TNRC6B: variants seen among roughly 807,000 people sequenced by gnomAD.
TNRC6B encodes trinucleotide repeat-containing gene 6B protein.
TNRC6B carries 52 observed loss-of-function variants against 203.6 expected under a neutral mutation model. The ratio of observed to expected loss-of-function variants is 0.26; its 90% CI spans 0.20 to 0.32. TNRC6B has a LOEUF of 0.32. TNRC6B is among the 10% of genes least tolerant of loss of function. The probability of loss-of-function intolerance (pLI) is 1.00; values close to 1 mark genes in which losing one functional copy is unlikely to be tolerated. For synonymous variants in TNRC6B, 838 were observed against 845.7 expected (o/e 0.99, Z 0.16); for missense variants, 1,923 against 2,286.2 (o/e 0.84, Z 3.24).
At chr22:40,178,344 TTGAAG>T in intron 1 of TNRC6B, among the ~76,000 whole-genome samples, 1 of 152,352 alleles carries the variant, frequency 6.6e-6, no homozygotes, top group East Asian at 1.9e-4. Context: ...TATTTAGATT[TTGAAG>T]TGATTTAATT....
chr22:40,170,621 AC>A (rs1708816311), intron 4 of TNRC6B, among the ~76,000 whole-genome samples: 1 of 124,702 alleles, frequency 8.0e-6, no homozygotes. Flanking sequence ...TCCTATACAT[AC>A]ATATATGAAC....
rs1301302556 is a variant in TNRC6B, at chr22:40,331,676, A to T, written c.*8435A>T. On this transcript the variant is annotated 3_prime_UTR_variant, in exon 23 of 23. Coordinates refer to ENST00000454349, the MANE Select transcript of TNRC6B (RefSeq NM_001162501.2). ...TTTTTTTTTTTTTTTTTTTTCAAAA[A>T]AAAAAGTCCCACATGTGGTCATCGT... 1 of 365,894 alleles carries T rather than the reference A, an allele frequency of 2.7e-6. No homozygotes were observed. Among genetic ancestry groups the T allele is most frequent in the Non-Finnish European group, 4.9e-6 (1 of 205,206 alleles). The allele number at this position is 365,894 out of a possible 1,614,324, so 22.7% of individuals were successfully genotyped here. A position where few individuals can be genotyped will look rare whatever the true frequency, so the allele number is the denominator to read the frequency against.
chr22:40,319,361 A>G (rs1358642415), intron 21 of TNRC6B, among the ~76,000 whole-genome samples: 11 of 150,128 alleles, frequency 7.3e-5, no homozygotes, highest in African/African-American at 2.4e-4. Flanking sequence ...AAATATTAAG[A>G]TGTTTTTAGA....
chr22:40,272,752 C>T (rs1243363291), intron 6 of TNRC6B, among the ~76,000 whole-genome samples: 1 of 152,202 alleles, frequency 6.6e-6, no homozygotes, highest in African/African-American at 2.4e-5. Context: ...TTTCTCCTTT[C>T]CTCACATTTT....
intron 11 of TNRC6B, among the ~76,000 whole-genome samples, chr22:40,283,825 A>G (rs2070749413): frequency 1.3e-5 from 2 of 152,218 alleles, no homozygotes; most frequent in Non-Finnish European, 1.5e-5. Flanking sequence ...GCTTGTTATT[A>G]AAGGAGAGGT....
At chr22:40,277,330 T>TC (rs1275519714) in intron 8 of TNRC6B, among the ~76,000 whole-genome samples, 179 bp downstream of exon 8, 1 of 152,230 alleles carries the variant, frequency 6.6e-6, no homozygotes, top group Non-Finnish European at 1.5e-5. Context: ...AATGACATAC[T>TC]CCAACATTTA....
intron 22 of TNRC6B, 53 bp from the exon 23 acceptor site, chr22:40,322,801 A>G (rs1180088526): frequency 1.1e-5 from 18 of 1,607,590 alleles, no homozygotes; most frequent in East Asian, 6.7e-5. Context: ...CTCCCTCCGT[A>G]TGCTTTAGGA....
intron 4 of TNRC6B, among the ~76,000 whole-genome samples, chr22:40,160,999 A>C (rs2068867511): frequency 6.6e-6 from 1 of 151,888 alleles, no homozygotes; most frequent in African/African-American, 2.4e-5. Context: ...GATTGTTTTT[A>C]TAGCTTTGTA....
chr22:40,137,800 A>G (rs190363363), intron 3 of TNRC6B, among the ~76,000 whole-genome samples: 10 of 152,180 alleles, frequency 6.6e-5, no homozygotes, highest in Admixed American at 6.5e-4. Flanking sequence ...CCTGGCCAAC[A>G]TGGTGAAACC....
chr22:40,058,075 A>G (rs558729561), intron 1 of TNRC6B, among the ~76,000 whole-genome samples: 52 of 152,338 alleles, frequency 3.4e-4, no homozygotes, highest in African/African-American at 1.2e-3. Flanking sequence ...TTTTGGCTCA[A>G]TTGCCTTAAA....
intron 1 of TNRC6B, among the ~76,000 whole-genome samples, chr22:40,217,952 G>A (rs1414055462): frequency 3.9e-5 from 5 of 128,958 alleles, no homozygotes; most frequent in African/African-American, 1.4e-4. Flanking sequence ...CAACCTGGGC[G>A]ACAGAGTAAG....
At chr22:40,097,189 T>C (rs932906108) in intron 1 of TNRC6B, among the ~76,000 whole-genome samples, 5 of 152,240 alleles carry the variant, frequency 3.3e-5, no homozygotes, top group African/African-American at 1.2e-4. Context: ...CATGATCAGA[T>C]TTATTTTTTA....
At chr22:40,132,943 C>CAAAAATAAAAAATAAAAAAA (rs1292227314) in intron 3 of TNRC6B, among the ~76,000 whole-genome samples, 10 of 23,874 alleles carry the variant, frequency 4.2e-4, no homozygotes, top group Non-Finnish European at 5.6e-4. Context: ...GACTCTGTCT[C>CAAAAATAAAAAATAAAAAAA]AAAAAAAAAA....
intron 1 of TNRC6B, among the ~76,000 whole-genome samples, chr22:40,233,585 G>C (rs1351198590): frequency 6.6e-6 from 1 of 151,492 alleles, no homozygotes; most frequent in African/African-American, 2.4e-5. Flanking sequence ...TCGCACCACT[G>C]CACTCCAGCC....
chr22:40,312,418 A>G, intron 17 of TNRC6B, 87 bp from the exon 18 acceptor site: 2 of 1,322,180 alleles, frequency 1.5e-6, no homozygotes, highest in Non-Finnish European at 2.1e-6. Context: ...TATACTTTTC[A>G]CAGACCCATT....
intron 1 of TNRC6B, among the ~76,000 whole-genome samples, chr22:40,065,088 G>A (rs1376267518): frequency 2.7e-5 from 4 of 146,820 alleles, no homozygotes; most frequent in African/African-American, 5.0e-5. Flanking sequence ...AATGAATTGG[G>A]AAGTGTTCCC....
chr22:40,318,485 T>G (rs1224528568), intron 21 of TNRC6B, among the ~76,000 whole-genome samples: 1 of 152,046 alleles, frequency 6.6e-6, no homozygotes, highest in Non-Finnish European at 1.5e-5. Context: ...AGGCGGAGCT[T>G]GGAGTGAGCC....
intron 1 of TNRC6B, among the ~76,000 whole-genome samples, chr22:40,220,036 A>G (rs1172969963): frequency 6.6e-6 from 1 of 152,218 alleles, no homozygotes; most frequent in Non-Finnish European, 1.5e-5. Context: ...GATCGTTTGT[A>G]AACTTAGATA....
intron 3 of TNRC6B, among the ~76,000 whole-genome samples, chr22:40,131,480 G>T (rs1323948658): frequency 1.3e-5 from 2 of 150,876 alleles, no homozygotes; most frequent in Non-Finnish European, 2.9e-5. Flanking sequence ...ACAGATTATA[G>T]ATCATTCCTG....
Sources: gnomAD v4.1 joint callset for allele counts (sites outside exome capture counted in the v4.1 genomes callset) on GRCh38, gnomAD v4.1.1 for gene constraint, MANE v1.5 for transcripts, NCBI Gene and HGNC (gene_info 2026-07-23, HGNC 2026-07-21) for gene names.